PLCL2: variants seen among roughly 807,000 people sequenced by gnomAD.
The protein encoded by PLCL2 is inactive phospholipase C-like protein 2.
Under a neutral mutation model 79.6 loss-of-function variants are expected in PLCL2, and 4 were observed. The ratio of observed to expected loss-of-function variants is 0.05; its 90% CI spans 0.02 to 0.11. The LOEUF (loss-of-function observed/expected upper bound fraction) is 0.11. Among genes scored for constraint, PLCL2 ranks in the 10% least tolerant of loss-of-function variants. The pLI is 1.00. For synonymous variants in PLCL2, 484 were observed against 457.7 expected (o/e 1.06, Z -0.73); for missense variants, 895 against 1,291.0 (o/e 0.69, Z 4.70).
chr3:16,988,432 A>G (rs1032925409), intron 1 of PLCL2, among the ~76,000 whole-genome samples: 1 of 152,132 alleles, frequency 6.6e-6, no homozygotes, highest in African/African-American at 2.4e-5. Flanking sequence ...GCAGTTTCAT[A>G]CAACTTTTGT....
chr3:17,023,252 A>G (rs1233138118), intron 3 of PLCL2, among the ~76,000 whole-genome samples: 3 of 152,170 alleles, frequency 2.0e-5, no homozygotes, highest in African/African-American at 7.2e-5. Context: ...TCAGAGCTGC[A>G]ATTCCCTTGG....
intron 5 of PLCL2, among the ~76,000 whole-genome samples, chr3:17,078,527 A>G (rs544537723): frequency 2.7e-4 from 41 of 152,042 alleles, no homozygotes; most frequent in Non-Finnish European, 3.8e-4. Flanking sequence ...GATGTTTTCC[A>G]GATGAATGGC....
chr3:17,080,491 C>T (rs2065151845), intron 5 of PLCL2, among the ~76,000 whole-genome samples: 1 of 152,182 alleles, frequency 6.6e-6, no homozygotes, highest in Non-Finnish European at 1.5e-5. Context: ...TTCTCTGTCC[C>T]CCAGGCTGGA....
intron 1 of PLCL2, among the ~76,000 whole-genome samples, chr3:16,986,081 A>G (rs933367165): frequency 2.6e-5 from 4 of 152,186 alleles, no homozygotes; most frequent in African/African-American, 4.8e-5. Flanking sequence ...ACCAATATGA[A>G]CAGGCACAAG....
intron 1 of PLCL2, among the ~76,000 whole-genome samples, chr3:16,902,760 G>T (rs1400064719): frequency 6.7e-6 from 1 of 150,034 alleles, no homozygotes; most frequent in East Asian, 1.9e-4. Flanking sequence ...CCAGGAGGCA[G>T]AGGTTATAGT....
intron 3 of PLCL2, among the ~76,000 whole-genome samples, chr3:17,022,339 A>G (rs1361267454): frequency 6.6e-6 from 1 of 152,138 alleles, no homozygotes; most frequent in Non-Finnish European, 1.5e-5. Flanking sequence ...TGTTCCCATC[A>G]AATTCCACAT....
At chr3:16,994,332 G>A (rs17042974) in intron 1 of PLCL2, among the ~76,000 whole-genome samples, 5,896 of 152,038 alleles carry the variant, frequency 0.039, 160 homozygotes, top group African/African-American at 0.067. Flanking sequence ...AGATATTGAC[G>A]TTTTTATTGA....
At chr3:17,040,453 C>A (rs2124918330) in intron 3 of PLCL2, among the ~76,000 whole-genome samples, 1 of 152,246 alleles carries the variant, frequency 6.6e-6, no homozygotes, top group South Asian at 2.1e-4. Flanking sequence ...TCAAGTGGAA[C>A]TAAAATTAGT....
At chr3:16,909,283 G>C (rs1696820484) in intron 1 of PLCL2, among the ~76,000 whole-genome samples, 1 of 152,150 alleles carries the variant, frequency 6.6e-6, no homozygotes, top group Non-Finnish European at 1.5e-5. Flanking sequence ...TAATAGCAAG[G>C]ACCTGTGTTC....
intron 1 of PLCL2, among the ~76,000 whole-genome samples, chr3:16,904,039 C>T (rs1696691769): frequency 6.6e-6 from 1 of 152,156 alleles, no homozygotes; most frequent in Non-Finnish European, 1.5e-5. Flanking sequence ...TATCTTTGAA[C>T]TCTAACATTG....
At chr3:16,972,601 T>A (rs2063883841) in intron 1 of PLCL2, among the ~76,000 whole-genome samples, 1 of 152,144 alleles carries the variant, frequency 6.6e-6, no homozygotes, top group Non-Finnish European at 1.5e-5. Context: ...AGTGTTGAAG[T>A]CTCCCACTAT....
At chr3:16,904,276 T>A (rs1696698204) in intron 1 of PLCL2, among the ~76,000 whole-genome samples, 2 of 146,192 alleles carry the variant, frequency 1.4e-5, no homozygotes, top group South Asian at 4.3e-4. Context: ...AACATGAATT[T>A]CACTCCTTAA....
At chr3:17,087,606 C>G (rs1276321830) in intron 5 of PLCL2, among the ~76,000 whole-genome samples, 2 of 152,034 alleles carry the variant, frequency 1.3e-5, no homozygotes, top group Non-Finnish European at 2.9e-5. Flanking sequence ...TTTTCAAAAC[C>G]CATGGAATAC....
At chr3:16,940,496 G>T (rs1177523876) in intron 1 of PLCL2, among the ~76,000 whole-genome samples, 1 of 152,162 alleles carries the variant, frequency 6.6e-6, no homozygotes, top group Non-Finnish European at 1.5e-5. Context: ...GGGGCTAGAG[G>T]GTGGAAGAGG....
intron 3 of PLCL2, among the ~76,000 whole-genome samples, chr3:17,034,653 A>C (rs903437966): frequency 6.6e-6 from 1 of 152,184 alleles, no homozygotes; most frequent in Non-Finnish European, 1.5e-5. Context: ...TTATTTCAGC[A>C]TTTAAAATTA....
chr3:16,995,842 T>A (rs1315346962), intron 1 of PLCL2, among the ~76,000 whole-genome samples: 1 of 152,204 alleles, frequency 6.6e-6, no homozygotes, highest in Non-Finnish European at 1.5e-5. Context: ...TAAAAGTGTA[T>A]ACTCTGGTTG....
intron 5 of PLCL2, chr3:17,081,296 G>A (rs1185881080): frequency 4.4e-6 from 2 of 455,904 alleles, no homozygotes; most frequent in African/African-American, 2.0e-5. Context: ...GAAGAAAAGT[G>A]TCTGCTGGCC....
intron 5 of PLCL2, among the ~76,000 whole-genome samples, chr3:17,088,959 A>T (rs542425786): frequency 6.6e-6 from 1 of 152,372 alleles, no homozygotes; most frequent in South Asian, 2.1e-4. Context: ...CTGAGAAAGT[A>T]TATCCAAAGT....
chr3:17,053,845 G>A (rs2064867414), intron 4 of PLCL2, among the ~76,000 whole-genome samples: 1 of 152,202 alleles, frequency 6.6e-6, no homozygotes. Flanking sequence ...CCTCAGGTCT[G>A]TGATAGGAGG....
Sources: allele counts gnomAD v4.1 joint callset (sites outside exome capture counted in the v4.1 genomes callset), GRCh38; gene constraint gnomAD v4.1.1; transcripts MANE v1.5; gene names NCBI Gene and HGNC (gene_info 2026-07-23, HGNC 2026-07-21).